ASTN2: variants seen among roughly 807,000 people sequenced by gnomAD.
ASTN2 encodes astrotactin 2.
A neutral mutation model predicts 139.8 loss-of-function variants in ASTN2; 54 were observed. The observed-to-expected ratio is 0.39, with a 90% CI of 0.31 to 0.48. The LOEUF (loss-of-function observed/expected upper bound fraction) is 0.48. ASTN2 is among the 20% of genes least tolerant of loss of function. The probability of loss-of-function intolerance (pLI) is 0.95; values close to 1 mark genes in which losing one functional copy is unlikely to be tolerated. For synonymous variants in ASTN2, 756 were observed against 719.5 expected (o/e 1.05, Z -0.81); for missense variants, 1,565 against 1,725.1 (o/e 0.91, Z 1.64).
chr9:117,363,058 CT>C (rs1316232506), intron 1 of ASTN2, among the ~76,000 whole-genome samples: 24 of 152,142 alleles, frequency 1.6e-4, no homozygotes, highest in Non-Finnish European at 3.1e-4. Flanking sequence ...CAAAATACCC[CT>C]GATGCCAGCC....
chr9:116,545,371 C>G (rs919568777), intron 19 of ASTN2, among the ~76,000 whole-genome samples: 1 of 152,168 alleles, frequency 6.6e-6, no homozygotes, highest in African/African-American at 2.4e-5. Flanking sequence ...ATACAAAATG[C>G]TTCATTTGGG....
chr9:116,768,232 A>G (rs10983342), intron 13 of ASTN2, among the ~76,000 whole-genome samples: 13,874 of 92,332 alleles, frequency 0.15, 736 homozygotes, highest in Non-Finnish European at 0.22. Flanking sequence ...ACCCATTCCT[A>G]TCTGCTTTTT....
intron 5 of ASTN2, among the ~76,000 whole-genome samples, chr9:117,042,362 A>G (rs1394031617): frequency 6.6e-6 from 1 of 152,208 alleles, no homozygotes; most frequent in African/African-American, 2.4e-5. Flanking sequence ...ACCACCTGGA[A>G]CCCAGAAGTT....
intron 19 of ASTN2, chr9:116,546,456 TAGTG>T (rs1852095696): frequency 1.3e-5 from 2 of 152,130 alleles, no homozygotes; most frequent in South Asian, 4.2e-4. Flanking sequence ...CTGGATACCT[TAGTG>T]AGTCAGGGGC....
At chr9:117,256,323 A>G (rs1182302203) in intron 2 of ASTN2, among the ~76,000 whole-genome samples, 1 of 152,338 alleles carries the variant, frequency 6.6e-6, no homozygotes, top group Non-Finnish European at 1.5e-5. Context: ...GGGCATCTGC[A>G]GCTGGTGCAG....
At chr9:117,322,873 AAC>A (rs1828378365) in intron 1 of ASTN2, among the ~76,000 whole-genome samples, 1 of 151,886 alleles carries the variant, frequency 6.6e-6, no homozygotes, top group Non-Finnish European at 1.5e-5. Context: ...GGGCATTTTC[AAC>A]ACTCTCCTGT....
chr9:116,632,148 GAGAGAGAGACA>G lies in ASTN2; in HGVS notation c.3073-11716_3073-11706del, dbSNP rs1435564390. Among the ~76,000 whole-genome samples the G allele has an allele frequency of 6.0e-3, 504 of 84,064 alleles. 13 individuals carry two copies. Among genetic ancestry groups the G allele is most frequent in the African/African-American group, 0.021 (476 of 22,312 alleles). The allele number at this position is 84,064 out of a possible 152,430, so 55.1% of individuals were successfully genotyped here. ...AAAAGAAGAGAGAGAGAGAGAGAGA[GAGAGAGAGACA>G]GAGAGAGAGAGAGAGAGAGAGAGAG... On this transcript the variant is annotated intron_variant, in intron 17 of 22. Coordinates refer to ENST00000313400, the MANE Select transcript of ASTN2 (RefSeq NM_001365068.1).
intron 11 of ASTN2, among the ~76,000 whole-genome samples, chr9:116,831,565 T>A (rs1489092640): frequency 1.3e-5 from 2 of 152,074 alleles, no homozygotes; most frequent in Middle Eastern, 3.4e-3. Flanking sequence ...AAGAGACAAA[T>A]AATTAACAAG....
intron 11 of ASTN2, 136 bp from the exon 12 acceptor site, chr9:116,820,919 A>C: frequency 1.1e-6 from 1 of 928,886 alleles, no homozygotes. Context: ...TCAGTTAATA[A>C]CTTTGTGACA....
chr9:116,948,903 T>G (rs1156259150), intron 10 of ASTN2, among the ~76,000 whole-genome samples: 1 of 145,234 alleles, frequency 6.9e-6, no homozygotes, highest in Non-Finnish European at 1.5e-5. Flanking sequence ...GCCATTCTCC[T>G]GCCTCAGCCT....
chr9:117,265,720 C>T (rs1034743475), intron 2 of ASTN2, among the ~76,000 whole-genome samples: 12 of 151,990 alleles, frequency 7.9e-5, no homozygotes, highest in Admixed American at 7.9e-4. Flanking sequence ...ACAGAAAGAA[C>T]ATTCAAGTGC....
intron 13 of ASTN2, among the ~76,000 whole-genome samples, chr9:116,737,604 T>C (rs1257126095): frequency 8.6e-6 from 1 of 115,992 alleles, no homozygotes; most frequent in Non-Finnish European, 1.8e-5. Flanking sequence ...GTAGCTCATG[T>C]GCCAACGTGT....
At chr9:116,600,903 G>A (rs1854861901) in intron 19 of ASTN2, among the ~76,000 whole-genome samples, 1 of 151,936 alleles carries the variant, frequency 6.6e-6, no homozygotes, top group South Asian at 2.1e-4. Context: ...CACACTTCAG[G>A]TATTTATTGA....
intron 19 of ASTN2, 113 bp from the exon 20 acceptor site, chr9:116,487,613 G>T: frequency 1.8e-6 from 2 of 1,092,554 alleles, no homozygotes; most frequent in Non-Finnish European, 1.3e-6. Flanking sequence ...GAAAAATAAT[G>T]GATAGAAAAA....
At chr9:116,500,350 G>T (rs1849812976) in intron 19 of ASTN2, among the ~76,000 whole-genome samples, 1 of 152,212 alleles carries the variant, frequency 6.6e-6, no homozygotes, top group Admixed American at 6.5e-5. Context: ...TGAATCTCCG[G>T]AAAGGAATGT....
chr9:117,294,954 G>A (rs1029178057), intron 1 of ASTN2, among the ~76,000 whole-genome samples: 1 of 152,168 alleles, frequency 6.6e-6, no homozygotes, highest in African/African-American at 2.4e-5. Flanking sequence ...CACTCTAGCT[G>A]AAGTGGTCCT....
At chr9:116,681,845 C>A (rs907109794) in intron 16 of ASTN2, among the ~76,000 whole-genome samples, 1 of 151,082 alleles carries the variant, frequency 6.6e-6, no homozygotes, top group Non-Finnish European at 1.5e-5. Context: ...AAACTGGATC[C>A]CTTCCTTACA....
intron 7 of ASTN2, among the ~76,000 whole-genome samples, chr9:116,979,522 G>A (rs1731374522): frequency 6.6e-6 from 1 of 152,086 alleles, no homozygotes; most frequent in South Asian, 2.1e-4. Context: ...AAGCGAGGAG[G>A]GGCAGGAGTC....
chr9:117,206,310 A>G (rs759013343), intron 3 of ASTN2, among the ~76,000 whole-genome samples: 34 of 152,262 alleles, frequency 2.2e-4, no homozygotes, highest in Non-Finnish European at 4.4e-4. Context: ...ACTGTGGGGA[A>G]AAGATAAGCA....
Sources: allele counts gnomAD v4.1 joint callset (sites outside exome capture counted in the v4.1 genomes callset), GRCh38; gene constraint gnomAD v4.1.1; transcripts MANE v1.5; gene names NCBI Gene and HGNC (gene_info 2026-07-23, HGNC 2026-07-21).